The following MYO3B variants were observed in gnomAD, a reference collection of about 807,000 sequenced individuals.
The protein encoded by MYO3B is myosin IIIB.
MYO3B carries 156 observed loss-of-function variants against 174.6 expected under a neutral mutation model. That is an observed-to-expected ratio of 0.89 (90% CI 0.78 to 1.02). MYO3B has a LOEUF of 1.02. MYO3B is among the 50% of genes least tolerant of loss of function. The pLI is 0.00. For synonymous variants in MYO3B, 563 were observed against 569.1 expected, an observed-to-expected ratio of 0.99 and a Z score of 0.15; for missense variants, 1,632 against 1,639.4, an observed-to-expected ratio of 1.00 and a Z score of 0.08.
In MYO3B at chr2:170,557,714, G is replaced by A. The variant is rs552102678; in HGVS notation, c.3733+13726G>A. Among the ~76,000 whole-genome samples, 13 of 152,204 alleles carry A rather than the reference G, an allele frequency of 8.5e-5. No individual in the cohort carries two copies. In the South Asian group the frequency reaches 2.7e-3, roughly 32 times the overall value. On this transcript the variant is annotated intron_variant, in intron 32 of 34. Coordinates refer to ENST00000408978, the MANE Select transcript of MYO3B (RefSeq NM_138995.5). ...TTGAAAACAAGTCTGCTTTGACTAG[G>A]GTGTTGATAGGGGTGAGCACAGGAG...
intron 29 of MYO3B, among the ~76,000 whole-genome samples, chr2:170,516,983 C>T (rs1688356058): frequency 6.6e-6 from 1 of 152,086 alleles, no homozygotes; most frequent in Non-Finnish European, 1.5e-5. Flanking sequence ...TCCATTTCTC[C>T]AATGTCCTTG....
At chr2:170,195,674 G>A (rs1447016636) in intron 1 of MYO3B, among the ~76,000 whole-genome samples, 1 of 152,144 alleles carries the variant, frequency 6.6e-6, no homozygotes, top group Non-Finnish European at 1.5e-5. Context: ...GCCCACTTGG[G>A]CTTTGGGAGT....
In MYO3B at chr2:170,425,453, G is replaced by A. The variant is rs570645370; in HGVS notation, c.2650+17609G>A. ...GCTTAACTGAACTTGAGAGCTGGAG[G>A]TTGTAAGGGAAGACTGCTAAGATTT... is the stretch of plus-strand genomic sequence containing the variant. On this transcript the variant is annotated intron_variant, in intron 22 of 34. Coordinates refer to ENST00000408978, the MANE Select transcript of MYO3B (RefSeq NM_138995.5). Among the ~76,000 whole-genome samples, 129 of 152,346 alleles carry A rather than the reference G, an allele frequency of 8.5e-4. No homozygotes were observed. The South Asian group carries it at 0.012, about 14-fold the overall frequency.
intron 32 of MYO3B, among the ~76,000 whole-genome samples, chr2:170,618,500 C>T (rs116256544): frequency 0.11 from 16,396 of 152,064 alleles, 1,213 homozygotes; most frequent in East Asian, 0.29. Context: ...GGTGCTTTTT[C>T]AGCAAATTTC....
intron 22 of MYO3B, among the ~76,000 whole-genome samples, chr2:170,429,339 C>T (rs1032016009): frequency 6.6e-6 from 1 of 152,176 alleles, no homozygotes; most frequent in South Asian, 2.1e-4. Flanking sequence ...CCTAGTAGCT[C>T]GTATCCAAAC....
intron 1 of MYO3B, 138 bp downstream of exon 1, chr2:170,178,427 G>A: frequency 9.2e-7 from 1 of 1,092,554 alleles, no homozygotes; most frequent in Non-Finnish European, 1.4e-6. Flanking sequence ...GCCTCTGTCT[G>A]ACATCACCCA....
intron 32 of MYO3B, among the ~76,000 whole-genome samples, chr2:170,569,686 A>G (rs896917688): frequency 4.0e-5 from 6 of 151,488 alleles, no homozygotes; most frequent in Admixed American, 6.6e-5. Flanking sequence ...ACATGGTGAA[A>G]CCCCATTTCT....
intron 7 of MYO3B, among the ~76,000 whole-genome samples, chr2:170,294,610 C>G (rs552350541): frequency 1.3e-5 from 2 of 152,130 alleles, no homozygotes; most frequent in African/African-American, 4.8e-5. Flanking sequence ...GGAATGTGTA[C>G]CCTTTAATTG....
At chr2:170,335,302 AATG>A in intron 7 of MYO3B, 80 bp from the exon 8 acceptor site, 2 of 1,014,444 alleles carry the variant, frequency 2.0e-6, no homozygotes, top group Non-Finnish European at 3.0e-6. Flanking sequence ...AGCTATTTAG[AATG>A]ATATCAATAA....
chr2:170,507,459 G>T (rs1181239966), intron 28 of MYO3B, among the ~76,000 whole-genome samples: 1 of 151,992 alleles, frequency 6.6e-6, no homozygotes, highest in East Asian at 1.9e-4. Context: ...GGGTGCAATG[G>T]TGCGTTCTTG....
At chr2:170,498,726 A>C (rs748614919) in intron 26 of MYO3B, 23 bp downstream of exon 26, 1 of 1,438,650 alleles carries the variant, frequency 7.0e-7, no homozygotes, top group South Asian at 1.1e-5. Flanking sequence ...TTATTGTTCA[A>C]ATTGTCCCGT....
chr2:170,327,123 A>T (rs1424089153), intron 7 of MYO3B, among the ~76,000 whole-genome samples: 3 of 152,258 alleles, frequency 2.0e-5, no homozygotes, highest in Non-Finnish European at 4.4e-5. Context: ...GTGGTGGCTC[A>T]CGCCTGTAAT....
Position 170,190,061 on chromosome 2 carries a change from C to T in MYO3B, c.3-9147C>T, listed in dbSNP as rs554567052. ...CAGCAATATCTGCATCAGGGGACAC[C>T]CCAAGCCCAGTAACACTGTGGTTCT... On this transcript the variant is annotated intron_variant, in intron 1 of 34. Transcript: ENST00000408978. Among the ~76,000 whole-genome samples, 47 of 152,272 alleles carry T rather than the reference C, an allele frequency of 3.1e-4. 1 individual carries two copies. In the South Asian group the frequency reaches 9.6e-3, roughly 31 times the overall value.
chr2:170,178,548 CCACACA>C (rs3066877), intron 1 of MYO3B, among the ~76,000 whole-genome samples: 50,185 of 151,046 alleles, frequency 0.33, 9,185 homozygotes, highest in East Asian at 0.55. Context: ...CAGACACACA[CCACACA>C]CACACACACA....
intron 7 of MYO3B, among the ~76,000 whole-genome samples, chr2:170,322,657 CA>C (rs538050212): frequency 1.7e-3 from 262 of 152,314 alleles, no homozygotes; most frequent in African/African-American, 6.2e-3. Context: ...TTGTAGCGCT[CA>C]CTGTTGTTGA....
intron 7 of MYO3B, among the ~76,000 whole-genome samples, chr2:170,296,118 A>G (rs1213160491): frequency 6.6e-6 from 1 of 152,204 alleles, no homozygotes; most frequent in Non-Finnish European, 1.5e-5. Context: ...GGGCTTTCAA[A>G]GGTGGAAGAT....
At chr2:170,379,343 C>G (rs539657697) in intron 9 of MYO3B, among the ~76,000 whole-genome samples, 127 of 152,122 alleles carry the variant, frequency 8.3e-4, no homozygotes, top group African/African-American at 3.0e-3. Context: ...TACAGGCGTG[C>G]ACCACCACGC....
At chr2:170,461,852 G>A (rs1311406785) in intron 23 of MYO3B, among the ~76,000 whole-genome samples, 4 of 152,148 alleles carry the variant, frequency 2.6e-5, no homozygotes, top group East Asian at 1.9e-4. Context: ...CGGCGGGGCC[G>A]GGGTAGAAGA....
rs1033038281 is a variant in MYO3B at position 170,383,187 on chromosome 2, C to T, written c.1183C>T (p.Gln395Ter). The T allele has an allele frequency of 2.6e-6, 4 of 1,567,084 alleles. No homozygotes were observed. The highest frequency in any genetic ancestry group is 3.5e-6 in the Non-Finnish European group (4 of 1,137,896). Residue 395 changes from glutamine to a stop codon, truncating the protein, a stop_gained and splice_region_variant, in exon 11 of 35, where the codon CAG (glutamine) becomes TAG (stop). Transcript: ENST00000408978. LOFTEE classifies it high-confidence loss of function. ...PFQNLSIYSP[Q>*]FSRLYHGVKR... The stretch of plus-strand genomic sequence containing the variant: ...CCAGAATCTAAGCATATACTCTCCA[C>T]AGGTAAGGGATGTTTTAAGAGCATA...
Sources: gnomAD v4.1 joint callset for allele counts (sites outside exome capture counted in the v4.1 genomes callset) on GRCh38, gnomAD v4.1.1 for gene constraint, MANE v1.5 for transcripts, NCBI Gene and HGNC (gene_info 2026-07-23, HGNC 2026-07-21) for gene names.